VCAN: variants seen among roughly 807,000 people sequenced by gnomAD.
The protein encoded by VCAN is versican core protein.
VCAN carries 44 observed loss-of-function variants against 245.5 expected under a neutral mutation model. The ratio of observed to expected loss-of-function variants is 0.18; its 90% CI spans 0.14 to 0.23. VCAN has a LOEUF of 0.23. VCAN is among the 10% of genes least tolerant of loss of function. The pLI is 1.00. For missense variants in VCAN, 3,793 were observed against 4,057.9 expected, an observed-to-expected ratio of 0.93 and a Z score of 1.77; for synonymous variants, 1,413 against 1,437.0, an observed-to-expected ratio of 0.98 and a Z score of 0.38.
chr5:83,578,610 A>G (rs1580085055), intron 13 of VCAN, among the ~76,000 whole-genome samples: 1 of 152,176 alleles, frequency 6.6e-6, no homozygotes, highest in African/African-American at 2.4e-5. Context: ...TCCTCTGAAT[A>G]TGTAATAAAT....
At chr5:83,515,965 G>A (rs1474922120) in intron 6 of VCAN, among the ~76,000 whole-genome samples, 1 of 152,172 alleles carries the variant, frequency 6.6e-6, no homozygotes, top group Non-Finnish European at 1.5e-5. Flanking sequence ...GGGCGCGGTC[G>A]CTCACGCCTG....
chr5:83,582,084 T>G lies in VCAN; in HGVS notation c.*1650T>G, dbSNP rs1748695093. On this transcript the variant is annotated 3_prime_UTR_variant, in exon 15 of 15. Transcript: ENST00000265077. Reference sequence around the variant, plus strand: ...TGTTGCATTAAATGTAATCCACCTTTAGGTATTTTAGAGCACAGAACAACA... The same window carrying G: ...TGTTGCATTAAATGTAATCCACCTTGAGGTATTTTAGAGCACAGAACAACA... The G allele has an allele frequency of 6.6e-6, 1 of 151,982 alleles. No homozygotes were observed. Among genetic ancestry groups the G allele is most frequent in the African/African-American group, 2.4e-5 (1 of 41,386 alleles). 9.4% of individuals were successfully genotyped at this position (151,982 alleles called of 1,614,324 possible). A position where few individuals can be genotyped will look rare whatever the true frequency, so the allele number is the denominator to read the frequency against.
At chr5:83,483,349 G>A (rs897543969) in intron 1 of VCAN, among the ~76,000 whole-genome samples, 164 bp from the exon 2 acceptor site, 1 of 152,148 alleles carries the variant, frequency 6.6e-6, no homozygotes, top group Non-Finnish European at 1.5e-5. Context: ...GCTATTACAA[G>A]TTTACTCCTG....
intron 5 of VCAN, among the ~76,000 whole-genome samples, chr5:83,500,627 G>A (rs551340720): frequency 6.6e-6 from 1 of 152,124 alleles, no homozygotes; most frequent in African/African-American, 2.4e-5. Flanking sequence ...GCACAGACAG[G>A]TTAAGTGATT....
intron 12 of VCAN, among the ~76,000 whole-genome samples, chr5:83,566,867 A>G (rs1266782690): frequency 6.6e-6 from 1 of 152,228 alleles, no homozygotes; most frequent in East Asian, 1.9e-4. Flanking sequence ...CGAAACATTT[A>G]GAGTTCGATA....
chr5:83,554,445 A>C (rs1260478478), intron 11 of VCAN, among the ~76,000 whole-genome samples: 3 of 152,208 alleles, frequency 2.0e-5, no homozygotes, highest in Non-Finnish European at 4.4e-5. Context: ...CTCATGGTAA[A>C]AGTAAATATT....
In VCAN at chr5:83,538,843, C is replaced by T. The variant is rs894975124; in HGVS notation, c.5840C>T (p.Pro1947Leu). 6.2e-7 allele frequency: 1 copy of T among 1,614,010 alleles called. No individual in the cohort carries two copies. The highest frequency in any genetic ancestry group is 1.7e-5 in the Admixed American group (1 of 59,988). The change falls in exon 8 of 15, where the codon CCC becomes CTC. Residue 1947 changes from proline to leucine, a missense_variant. Physicochemically the swap from Pro to Leu is moderately conservative, Grantham distance 98. Transcript: ENST00000265077. ...AGAGAATACTCAACAGTGTCTCATCCCATAGCAAAAGAAGAAACGGTAATG... is the reference window on the plus strand; with the variant it reads ...AGAGAATACTCAACAGTGTCTCATCTCATAGCAAAAGAAGAAACGGTAATG... Reference protein sequence around the residue: ...DFREYSTVSHPIAKEETVMME... With the variant: ...DFREYSTVSHLIAKEETVMME...
intron 2 of VCAN, among the ~76,000 whole-genome samples, chr5:83,486,971 A>G (rs545124455): frequency 3.3e-4 from 50 of 152,328 alleles, no homozygotes; most frequent in African/African-American, 1.1e-3. Flanking sequence ...GTCACTGATG[A>G]GGTCAACGAC....
chr5:83,506,858 G>T (rs1469226154), intron 5 of VCAN, among the ~76,000 whole-genome samples: 1 of 152,206 alleles, frequency 6.6e-6, no homozygotes, highest in East Asian at 1.9e-4. Context: ...GCAGCGGCAA[G>T]AGAAAATGAG....
At chr5:83,500,479 T>G (rs909241750) in intron 5 of VCAN, among the ~76,000 whole-genome samples, 1 of 152,112 alleles carries the variant, frequency 6.6e-6, no homozygotes, top group African/African-American at 2.4e-5. Context: ...TAAGATTGAG[T>G]GTGAGGTAGT....
chr5:83,521,957 T>C lies in VCAN; in HGVS notation c.3651T>C (p.Leu1217=). Residue 1217 remains leucine (L), a synonymous_variant, in exon 7 of 15, where the codon CTT becomes CTC. Coordinates refer to ENST00000265077, the MANE Select transcript of VCAN (RefSeq NM_004385.5). ...CTGCCTTCAGTTCAGTAGACAGACTTCACACAACTTCAGCATTCAAGCCAT... is the reference window on the plus strand; with the variant it reads ...CTGCCTTCAGTTCAGTAGACAGACTCCACACAACTTCAGCATTCAAGCCAT... The part of the protein sequence containing the change: ...ITTAFSSVDR[L]HTTSAFKPSS... 1 of 1,614,168 alleles carries C rather than the reference T, an allele frequency of 6.2e-7. No homozygotes were observed. The highest frequency in any genetic ancestry group is 2.2e-5 in the East Asian group (1 of 44,876).
intron 1 of VCAN, among the ~76,000 whole-genome samples, chr5:83,476,451 AC>A (rs1323464288): frequency 6.6e-6 from 1 of 152,180 alleles, no homozygotes; most frequent in African/African-American, 2.4e-5. Flanking sequence ...GGACTGACAA[AC>A]ACTCATTGTT....
At chr5:83,483,632 TG>T (rs1744691482) in intron 2 of VCAN, 44 bp downstream of exon 2, 1 of 1,557,220 alleles carries the variant, frequency 6.4e-7, no homozygotes, top group East Asian at 2.2e-5. Flanking sequence ...GAAATAAAAA[TG>T]TAAGTGCTGG....
At chr5:83,491,351 T>C (rs911930481) in intron 3 of VCAN, among the ~76,000 whole-genome samples, 3 of 152,240 alleles carry the variant, frequency 2.0e-5, no homozygotes, top group Admixed American at 6.5e-5. Flanking sequence ...TTCAGAAATA[T>C]ATACAAAGGG....
chr5:83,472,490 C>T (rs1744231513), intron 1 of VCAN, among the ~76,000 whole-genome samples: 1 of 152,142 alleles, frequency 6.6e-6, no homozygotes, highest in African/African-American at 2.4e-5. Flanking sequence ...TGGTGCAGGC[C>T]ACCTGGTTTC....
rs758097509 is a variant in VCAN at position 83,490,328 on chromosome 5, G to A, written c.301G>A (p.Val101Met). 3 of 1,614,214 alleles carry A rather than the reference G, an allele frequency of 1.9e-6. No individual in the cohort carries two copies. The South Asian group carries it at 3.3e-5, about 18-fold the overall frequency. ...IKIGQDYKGR[V>M]SVPTHPEAVG... ...GATTGGTCAGGACTACAAAGGGAGAGTGTCTGTGCCCACACATCCCGAGGC... is the reference window on the plus strand; with the variant it reads ...GATTGGTCAGGACTACAAAGGGAGAATGTCTGTGCCCACACATCCCGAGGC... The change falls in exon 3 of 15, where the codon GTG becomes ATG. Residue 101 changes from valine to methionine, a missense_variant. Transcript: ENST00000265077.
intron 7 of VCAN, among the ~76,000 whole-genome samples, chr5:83,530,581 T>G (rs1746479663): frequency 6.6e-6 from 1 of 152,118 alleles, no homozygotes. Context: ...GAGGTAAAGC[T>G]GAAAAATTTA....
rs1161809099 is a variant in VCAN at position 83,541,129 on chromosome 5, T to G, written c.8126T>G (p.Ile2709Arg). 1 of 1,613,966 alleles carries G rather than the reference T, an allele frequency of 6.2e-7. No homozygotes were observed. Among genetic ancestry groups the G allele is most frequent in the Non-Finnish European group, 8.5e-7 (1 of 1,180,004 alleles). Reference protein sequence around the residue: ...SATVIPEIEGIKAEAKALDDM... With the variant: ...SATVIPEIEGRKAEAKALDDM... Reference sequence around the variant, plus strand: ...ACAGTTATTCCAGAGATTGAAGGAATAAAAGCTGAAGCAAAAGCCCTGGAT... The same window carrying G: ...ACAGTTATTCCAGAGATTGAAGGAAGAAAAGCTGAAGCAAAAGCCCTGGAT... The change falls in exon 8 of 15, where the codon ATA becomes AGA. Residue 2709 changes from isoleucine to arginine, a missense_variant. By Grantham distance (97) the Ile-to-Arg change is moderately conservative (BLOSUM62 -3). This residue lies in a region of VCAN where 3,182 missense variants were observed against 3,250.3 expected (regional missense o/e 0.98). Transcript: ENST00000265077.
At chr5:83,487,389 CA>C (rs1744829420) in intron 2 of VCAN, among the ~76,000 whole-genome samples, 1 of 152,184 alleles carries the variant, frequency 6.6e-6, no homozygotes, top group South Asian at 2.1e-4. Flanking sequence ...ATTTGGACCA[CA>C]AACCATCTGG....
Sources: allele counts gnomAD v4.1 joint callset (sites outside exome capture counted in the v4.1 genomes callset), GRCh38; gene constraint gnomAD v4.1.1; regional missense constraint gnomAD v4.1.1; transcripts MANE v1.5; gene names NCBI Gene and HGNC (gene_info 2026-07-23, HGNC 2026-07-21).